The following NOTCH1 variants were observed in gnomAD, a reference collection of about 807,000 sequenced individuals.
The protein encoded by NOTCH1 is neurogenic locus notch homolog protein 1.
Under a neutral mutation model 254.8 loss-of-function variants are expected in NOTCH1, and 37 were observed. That is an observed-to-expected ratio of 0.15 (90% CI 0.11 to 0.19). The LOEUF is 0.19. Ranked by LOEUF, NOTCH1 falls within the 10% of genes least tolerant of loss-of-function variation. The probability of loss-of-function intolerance (pLI) is 1.00; values close to 1 mark genes in which losing one functional copy is unlikely to be tolerated. For missense variants in NOTCH1, 2,972 were observed against 3,708.6 expected (o/e 0.80, Z 5.16); for synonymous variants, 1,731 against 1,618.1 (o/e 1.07, Z -1.68).
intron 9 of NOTCH1, among the ~76,000 whole-genome samples, chr9:136,516,402 T>C (rs537889248): frequency 6.6e-6 from 1 of 152,272 alleles, no homozygotes; most frequent in East Asian, 1.9e-4. Flanking sequence ...GGACGGGTAA[T>C]CTATGTCTTG....
Position 136,497,114 on chromosome 9 carries a change from A to G in NOTCH1, c.6625T>C (p.Tyr2209His). The G allele has an allele frequency of 1.2e-6, 2 of 1,611,522 alleles. No homozygotes were observed. The highest frequency in any genetic ancestry group is 1.7e-6 in the Non-Finnish European group (2 of 1,179,106). ...PVDSLESPHG[Y>H]LSDVASPPLL... ...GGCGGCGAGGCCACGTCTGACAGGTAGCCATGGGGTGACTCCAGGGAGTCC... is the reference window on the plus strand; with the variant it reads ...GGCGGCGAGGCCACGTCTGACAGGTGGCCATGGGGTGACTCCAGGGAGTCC... The change falls in exon 34 of 34, where the codon TAC becomes CAC. Residue 2209 changes from tyrosine to histidine, a missense_variant. Transcript: ENST00000651671.
chr9:136,519,079 C>T (rs1843325257), intron 5 of NOTCH1, among the ~76,000 whole-genome samples: 1 of 152,238 alleles, frequency 6.6e-6, no homozygotes, highest in African/African-American at 2.4e-5. Context: ...AATTCCCGAA[C>T]ACAGGGCCTG....
chr9:136,527,407 C>T (rs1470233114), intron 2 of NOTCH1, among the ~76,000 whole-genome samples: 5 of 152,324 alleles, frequency 3.3e-5, no homozygotes, highest in African/African-American at 4.8e-5. Context: ...GGGTGTGGGC[C>T]GCGAGGTGGG....
At chr9:136,526,854 C>A (rs921359260) in intron 2 of NOTCH1, among the ~76,000 whole-genome samples, 9 of 152,190 alleles carry the variant, frequency 5.9e-5, no homozygotes, top group Admixed American at 3.9e-4. Context: ...TCAGACGTGG[C>A]GGCAGCTGCT....
Position 136,536,498 on chromosome 9 carries a change from G to A in NOTCH1, c.140+7526C>T, listed in dbSNP as rs553966451. Among the ~76,000 whole-genome samples, 5 of 152,304 alleles carry A rather than the reference G, an allele frequency of 3.3e-5. No individual in the cohort carries two copies. The East Asian group carries it at 9.6e-4, about 29-fold the overall frequency. ...CAGGGAAGGGAAGGCCCCGGAGCAG[G>A]CAGACTGGGCGGGTGGGGGCTGAGA... On this transcript the variant is annotated intron_variant, in intron 2 of 33. Coordinates refer to ENST00000651671, the MANE Select transcript of NOTCH1 (RefSeq NM_017617.5).
chr9:136,523,571 G>A, intron 3 of NOTCH1, 146 bp downstream of exon 3: 5 of 1,023,900 alleles, frequency 4.9e-6, no homozygotes, highest in East Asian at 2.6e-5. Context: ...AGGTCTGGGA[G>A]GGGGGCAGGG....
chr9:136,510,075 C>T lies in NOTCH1; in HGVS notation c.2741-114G>A, dbSNP rs546929727. 128 of 973,928 alleles carry T rather than the reference C, an allele frequency of 1.3e-4. No homozygotes were observed. In the East Asian group the frequency reaches 2.8e-3, roughly 21 times the overall value. 60.3% of individuals were successfully genotyped at this position (973,928 alleles called of 1,614,324 possible). A position where few individuals can be genotyped will look rare whatever the true frequency, so the allele number is the denominator to read the frequency against. On this transcript the variant is annotated intron_variant, in intron 17 of 33. Coordinates refer to ENST00000651671, the MANE Select transcript of NOTCH1 (RefSeq NM_017617.5). ...GCCCAGCCTTTCGTTGCCGAGGCTGCGGCAAGCAGCCCTGTGACAAAGGTG... is the reference window on the plus strand; with the variant it reads ...GCCCAGCCTTTCGTTGCCGAGGCTGTGGCAAGCAGCCCTGTGACAAAGGTG...
At position 136,495,921 on chromosome 9, in the gene NOTCH1, A is replaced by T; in HGVS notation, c.*150T>A. 1.2e-6 allele frequency: 1 copy of T among 832,596 alleles called. No individual in the cohort carries two copies. The highest frequency in any genetic ancestry group is 2.7e-5 in the East Asian group (1 of 36,960). The allele number at this position is 832,596 out of a possible 1,614,324, so 51.6% of individuals were successfully genotyped here. A position where few individuals can be genotyped will look rare whatever the true frequency, so the allele number is the denominator to read the frequency against. ...TGTGTAAAATAAAAGTACATAAATA[A>T]ATACTAAAAAAAATTAAAATCCTCG... On this transcript the variant is annotated 3_prime_UTR_variant, in exon 34 of 34. Transcript: ENST00000651671.
intron 2 of NOTCH1, among the ~76,000 whole-genome samples, chr9:136,525,659 G>GC (rs1342301413): frequency 6.6e-6 from 1 of 152,202 alleles, no homozygotes; most frequent in Non-Finnish European, 1.5e-5. Context: ...ACCCCCACCG[G>GC]CCCCCCAAGT....
At position 136,504,897 on chromosome 9, in the gene NOTCH1, G is replaced by A. The variant is rs558708604; in HGVS notation, c.4794C>T (p.Arg1598=). The part of the protein sequence containing the change: ...SSFHFLRELS[R]VLHTNVVFKR... Reference sequence around the variant, plus strand: ...TGAAGACCACGTTGGTGTGCAGCACGCGGCTGAGCTCCCGCAGGAAGTGGA... The same window carrying A: ...TGAAGACCACGTTGGTGTGCAGCACACGGCTGAGCTCCCGCAGGAAGTGGA... The change falls in exon 26 of 34, where the codon CGC becomes CGT. Residue 1598 remains arginine (R), a synonymous_variant. Coordinates refer to ENST00000651671, the MANE Select transcript of NOTCH1 (RefSeq NM_017617.5). 4.2e-5 allele frequency: 67 copies of A among 1,585,026 alleles called. No individual in the cohort carries two copies. The highest frequency in any genetic ancestry group is 5.2e-5 in the Non-Finnish European group (61 of 1,166,400).
rs11574906 is a variant in NOTCH1, at chr9:136,501,661, T to A, written c.5638+87A>T. ...CACCCCCAATTCTAAGTTTCCAGAG[T>A]ATCAACTGTACCCCAGCCTCGGGGC... On this transcript the variant is annotated intron_variant, in intron 30 of 33. Coordinates refer to ENST00000651671, the MANE Select transcript of NOTCH1 (RefSeq NM_017617.5). The A allele has an allele frequency of 0.1, 152,739 of 1,503,866 alleles. 9,238 individuals are homozygous for A. The highest frequency in any genetic ancestry group is 0.24 in the South Asian group (20,540 of 87,216). 93.2% of individuals were successfully genotyped at this position (1,503,866 alleles called of 1,614,324 possible). A position where few individuals can be genotyped will look rare whatever the true frequency, so the allele number is the denominator to read the frequency against.
At position 136,535,195 on chromosome 9, in the gene NOTCH1, G is replaced by A. The variant is rs1843626451; in HGVS notation, c.140+8829C>T. Among the ~76,000 whole-genome samples the A allele has an allele frequency of 2.6e-5, 4 of 152,030 alleles. No homozygotes were observed. The South Asian group carries it at 6.2e-4, about 24-fold the overall frequency. ...GCTGAGGCTGAGGGGCTGAGGACTC[G>A]GAGGATGGGATCTCCCGCCCAGCGG... On this transcript the variant is annotated intron_variant, in intron 2 of 33. Coordinates refer to ENST00000651671, the MANE Select transcript of NOTCH1 (RefSeq NM_017617.5).
Position 136,545,278 on chromosome 9 carries a change from C to A in NOTCH1, c.61+448G>T, listed in dbSNP as rs1332608829. Among the ~76,000 whole-genome samples, 2 of 152,180 alleles carry A rather than the reference C, an allele frequency of 1.3e-5. No individual in the cohort carries two copies. Among genetic ancestry groups the A allele is most frequent in the Non-Finnish European group, 1.5e-5 (1 of 68,022 alleles). On this transcript the variant is annotated intron_variant, in intron 1 of 33. Coordinates refer to ENST00000651671, the MANE Select transcript of NOTCH1 (RefSeq NM_017617.5). The surrounding 1 kb of genome is among the most constrained non-coding windows in gnomAD (Gnocchi z 6.8). ...GGCGCCGCAGAGCCCACACTCCGCG[C>A]CCCAACATCCGCCCCGGCGTGGGCC...
chr9:136,518,553 T>G (rs1174601240), intron 6 of NOTCH1, 38 bp downstream of exon 6: 5 of 1,573,234 alleles, frequency 3.2e-6, no homozygotes. Flanking sequence ...CTGGCCCATG[T>G]GAGCCCCCTG....
At chr9:136,537,592 A>G (rs551859066) in intron 2 of NOTCH1, among the ~76,000 whole-genome samples, 42 of 152,336 alleles carry the variant, frequency 2.8e-4, no homozygotes, top group African/African-American at 9.6e-4. Flanking sequence ...TTCAAAAGTC[A>G]CATTTTCAGC....
At chr9:136,512,736 T>G (rs1232383803) in intron 15 of NOTCH1, among the ~76,000 whole-genome samples, 1 of 152,164 alleles carries the variant, frequency 6.6e-6, no homozygotes, top group Non-Finnish European at 1.5e-5. Flanking sequence ...CATGCTTGCA[T>G]GAAAATTTTC....
intron 2 of NOTCH1, among the ~76,000 whole-genome samples, chr9:136,542,087 C>A (rs1433530284): frequency 6.6e-6 from 1 of 152,218 alleles, no homozygotes; most frequent in African/African-American, 2.4e-5. Context: ...TGTTTTGCGG[C>A]CCTGTGGCAG....
At position 136,496,879 on chromosome 9, in the gene NOTCH1, C is replaced by A; in HGVS notation, c.6860G>T (p.Gly2287Val). Residue 2287 changes from glycine (G) to valine (V), a missense_variant, in exon 34 of 34, where the codon GGC (glycine) becomes GTC (valine). By Grantham distance (109) the Gly-to-Val change is moderately radical. Around this residue, in one of 8 missense-constraint regions of NOTCH1, gnomAD observed 529 missense variants for 529.2 expected, o/e 1.00. Transcript: ENST00000651671. The part of the protein sequence containing the change: ...PVASGTSTVL[G>V]SSSGGALNFT... ...ATTCAGGGCCCCTCCGCTGCTGGAG[C>A]CCAGGACGGTGCTGGTGCCAGAGGC... 6.2e-7 allele frequency: 1 copy of A among 1,612,912 alleles called. No homozygotes were observed. Among genetic ancestry groups the A allele is most frequent in the Non-Finnish European group, 8.5e-7 (1 of 1,179,992 alleles).
In NOTCH1 at chr9:136,497,337, G is replaced by A. The variant is rs2133318771; in HGVS notation, c.6402C>T (p.Thr2134=). The A allele has an allele frequency of 6.2e-7, 1 of 1,606,240 alleles. No homozygotes were observed. Among genetic ancestry groups the A allele is most frequent in the South Asian group, 1.1e-5 (1 of 91,012 alleles). Residue 2134 remains threonine, a synonymous_variant, in exon 34 of 34, where the codon ACC becomes ACT. Transcript: ENST00000651671. ...LHGAPLGGTP[T]LSPPLCSPNG... is the part of the protein sequence containing the mutation. ...TGGGCGAGCAGAGCGGGGGCGACAGGGTGGGCGTGCCCCCCAGCGGGGCTC... is the reference window on the plus strand; with the variant it reads ...TGGGCGAGCAGAGCGGGGGCGACAGAGTGGGCGTGCCCCCCAGCGGGGCTC...
Sources: gnomAD v4.1 joint callset for allele counts (sites outside exome capture counted in the v4.1 genomes callset) on GRCh38, gnomAD v4.1.1 for gene constraint, gnomAD v4.1.1 regional missense constraint, Gnocchi (gnomAD v3.1) non-coding constraint, MANE v1.5 for transcripts, NCBI Gene and HGNC (gene_info 2026-07-23, HGNC 2026-07-21) for gene names.